Variants in RBPJ observed in about 807,000 individuals in gnomAD.
RBPJ encodes recombining binding protein suppressor of hairless.
Under a neutral mutation model 67.8 loss-of-function variants are expected in RBPJ, and 9 were observed. The observed-to-expected ratio is 0.13, with a 90% CI of 0.08 to 0.23. The LOEUF is 0.23. RBPJ is among the 10% of genes least tolerant of loss of function. RBPJ has a pLI of 1.00. For synonymous variants in RBPJ, 198 were observed against 203.3 expected (o/e 0.97, Z 0.22); for missense variants, 305 against 595.6 (o/e 0.51, Z 5.08).
intron 1 of RBPJ, among the ~76,000 whole-genome samples, chr4:26,277,334 C>T (rs796443264): frequency 2.6e-5 from 4 of 151,460 alleles, no homozygotes; most frequent in African/African-American, 9.7e-5. Context: ...TGGTTCTGAT[C>T]CCTCTCTGTA....
In RBPJ at chr4:26,186,192, TA is replaced by T. The variant is rs528707678; in HGVS notation, c.-167+22601del. On this transcript the variant is annotated intron_variant, in intron 1 of 4. Coordinates refer to the RBPJ transcript ENST00000512351. ...CTTCTTTCTGCTCCCCCCTTTTTTT[TA>T]AAAAAAAAAAAAAAAAAAAAAAGAC... 8.5e-3 allele frequency among the ~76,000 whole-genome samples: 993 copies of T among 117,038 alleles called. 8 individuals carry two copies. Among genetic ancestry groups the T allele is most frequent in the Middle Eastern group, 0.027 (5 of 188 alleles). The allele number at this position is 117,038 out of a possible 152,430, so 76.8% of individuals were successfully genotyped here.
chr4:26,145,229 G>C, the RBPJ span, among the ~76,000 whole-genome samples: 3 of 152,064 alleles, frequency 2.0e-5, no homozygotes, highest in Non-Finnish European at 4.4e-5. Context: ...TGTCTTTATT[G>C]AGAAAAATGT....
intron 1 of RBPJ, among the ~76,000 whole-genome samples, chr4:26,237,905 G>T (rs745899534): frequency 2.0e-5 from 3 of 151,950 alleles, no homozygotes; most frequent in Non-Finnish European, 4.4e-5. Flanking sequence ...TTGAGATGAG[G>T]TCTCACTATG....
At chr4:26,128,484 T>A in the RBPJ span, among the ~76,000 whole-genome samples, 6 of 152,300 alleles carry the variant, frequency 3.9e-5, no homozygotes, top group Non-Finnish European at 7.4e-5. Flanking sequence ...CCCTGCAAGA[T>A]AGACCCTCTG....
At chr4:26,367,570 TA>T (rs959526852) in intron 1 of RBPJ, among the ~76,000 whole-genome samples, 8 of 152,230 alleles carry the variant, frequency 5.3e-5, no homozygotes, top group African/African-American at 1.9e-4. Context: ...ATATAAAATT[TA>T]AAGTTGCAAA....
intron 1 of RBPJ, among the ~76,000 whole-genome samples, chr4:26,254,843 A>G (rs1415579464): frequency 6.0e-5 from 1 of 16,548 alleles, no homozygotes; most frequent in Non-Finnish European, 1.1e-4. Context: ...ATGCCCAGCT[A>G]TTTTTTTTTT....
intron 1 of RBPJ, among the ~76,000 whole-genome samples, chr4:26,246,371 C>G (rs1420528730): frequency 6.6e-6 from 1 of 152,108 alleles, no homozygotes; most frequent in African/African-American, 2.4e-5. Flanking sequence ...GATTTTTCAT[C>G]ACTAGAAATT....
chr4:26,298,187 A>G (rs1047852035), intron 1 of RBPJ, among the ~76,000 whole-genome samples: 14 of 151,436 alleles, frequency 9.2e-5, no homozygotes, highest in African/African-American at 1.9e-4. Flanking sequence ...AATCCTTGGG[A>G]AAAAAAAATA....
At chr4:26,324,258 A>C (rs539471002) in intron 1 of RBPJ, among the ~76,000 whole-genome samples, 32 of 152,352 alleles carry the variant, frequency 2.1e-4, no homozygotes, top group African/African-American at 7.5e-4. Context: ...TTGGCAAGAC[A>C]CAGTAGCGAT....
At chr4:26,402,168 G>A (rs1009372678) in intron 2 of RBPJ, among the ~76,000 whole-genome samples, 25 of 152,222 alleles carry the variant, frequency 1.6e-4, no homozygotes, top group African/African-American at 5.5e-4. Context: ...GATTACAGCC[G>A]TGTGCCACTG....
At chr4:26,403,734 C>T (rs1577623711) in intron 2 of RBPJ, among the ~76,000 whole-genome samples, 2 of 152,114 alleles carry the variant, frequency 1.3e-5, no homozygotes, top group South Asian at 2.1e-4. Flanking sequence ...TTAATGGCTG[C>T]ATAATATTCG....
intron 1 of RBPJ, among the ~76,000 whole-genome samples, chr4:26,177,430 A>G (rs1003501537): frequency 6.6e-6 from 1 of 152,132 alleles, no homozygotes; most frequent in Non-Finnish European, 1.5e-5. Flanking sequence ...ACAAAAAATT[A>G]GCTGGGCCTA....
intron 1 of RBPJ, among the ~76,000 whole-genome samples, chr4:26,215,406 G>GA (rs1560214872): frequency 1.4e-5 from 1 of 72,832 alleles, no homozygotes; most frequent in African/African-American, 5.3e-5. Flanking sequence ...AGGAAGGGGG[G>GA]GGAAGGAAGG....
At chr4:26,186,479 G>C (rs115511018) in intron 1 of RBPJ, among the ~76,000 whole-genome samples, 1 of 152,188 alleles carries the variant, frequency 6.6e-6, no homozygotes, top group Non-Finnish European at 1.5e-5. Flanking sequence ...GAGCAAACTA[G>C]TCTGAAGGGC....
intron 1 of RBPJ, among the ~76,000 whole-genome samples, chr4:26,351,580 C>G (rs564899717): frequency 6.6e-6 from 1 of 152,130 alleles, no homozygotes; most frequent in Non-Finnish European, 1.5e-5. Flanking sequence ...AGGGTCTCAC[C>G]ATGTTGCCCA....
At chr4:26,177,880 A>G (rs1716851525) in intron 1 of RBPJ, among the ~76,000 whole-genome samples, 1 of 152,224 alleles carries the variant, frequency 6.6e-6, no homozygotes, top group Non-Finnish European at 1.5e-5. Flanking sequence ...ACATGTAATA[A>G]ACACCATTGG....
At chr4:26,207,579 T>C (rs970148313) in intron 1 of RBPJ, among the ~76,000 whole-genome samples, 1 of 152,340 alleles carries the variant, frequency 6.6e-6, no homozygotes, top group Non-Finnish European at 1.5e-5. Flanking sequence ...GCATTTGTTC[T>C]GGACACAGAC....
intron 1 of RBPJ, among the ~76,000 whole-genome samples, chr4:26,330,927 G>A (rs902974495): frequency 2.6e-5 from 4 of 152,112 alleles, no homozygotes; most frequent in Non-Finnish European, 4.4e-5. Flanking sequence ...TGTGTGACAC[G>A]TGTGATATAT....
At chr4:26,274,932 G>A (rs909375773) in intron 1 of RBPJ, among the ~76,000 whole-genome samples, 5 of 151,548 alleles carry the variant, frequency 3.3e-5, no homozygotes, top group Non-Finnish European at 7.4e-5. Flanking sequence ...GCGAGACACC[G>A]TCTCAAAAAA....
Sources: allele counts gnomAD v4.1 joint callset (sites outside exome capture counted in the v4.1 genomes callset), GRCh38; gene constraint gnomAD v4.1.1; transcripts MANE v1.5; gene names NCBI Gene and HGNC (gene_info 2026-07-23, HGNC 2026-07-21).